The following WDCP variants were observed in gnomAD, a reference collection of about 807,000 sequenced individuals.
WDCP encodes WD repeat and coiled coil containing.
Under a neutral mutation model 41.6 loss-of-function variants are expected in WDCP, and 19 were observed. That is an observed-to-expected ratio of 0.46 (90% CI 0.32 to 0.67). The LOEUF (loss-of-function observed/expected upper bound fraction) is 0.67, where lower values mean the gene tolerates loss of function less well. Ranked by LOEUF, WDCP falls within the 30% of genes least tolerant of loss-of-function variation. The pLI is 0.04. For missense variants in WDCP, 802 were observed against 850.7 expected (o/e 0.94, Z 0.71); for synonymous variants, 302 against 320.8 (o/e 0.94, Z 0.63).
chr2:24,034,892 C>T (rs1283785029), intron 2 of WDCP, among the ~76,000 whole-genome samples: 1 of 151,660 alleles, frequency 6.6e-6, no homozygotes, highest in South Asian at 2.1e-4. Flanking sequence ...GTTGTTTTAA[C>T]CTTAGTTTTT....
intron 2 of WDCP, 58 bp downstream of exon 2, chr2:24,037,619 T>C: frequency 6.7e-7 from 1 of 1,492,394 alleles, no homozygotes; most frequent in South Asian, 1.3e-5. Flanking sequence ...TTTCTTGCAG[T>C]ACTCACCGGC....
At chr2:24,044,749 C>T (rs1573669821) in intron 1 of WDCP, among the ~76,000 whole-genome samples, 1 of 151,082 alleles carries the variant, frequency 6.6e-6, no homozygotes, top group East Asian at 1.9e-4. Flanking sequence ...AAGGAGAGGT[C>T]CCCTTGATAC....
At chr2:24,045,321 G>C (rs934724602) in intron 1 of WDCP, among the ~76,000 whole-genome samples, 1 of 152,188 alleles carries the variant, frequency 6.6e-6, no homozygotes. Context: ...GGCAGGGCAG[G>C]CTGGGTGTGG....
Position 24,039,062 on chromosome 2 carries a change from C to G in WDCP, c.433G>C (p.Asp145His), listed in dbSNP as rs1663344977. 1.2e-6 allele frequency: 2 copies of G among 1,614,172 alleles called. No homozygotes were observed. Among genetic ancestry groups the G allele is most frequent in the Non-Finnish European group, 1.7e-6 (2 of 1,180,050 alleles). The change falls in exon 2 of 4, where the codon GAT becomes CAT. Residue 145 changes from aspartate (D) to histidine (H), a missense_variant. By Grantham distance (81) the Asp-to-His change is moderately conservative. Coordinates refer to ENST00000295148, the MANE Select transcript of WDCP (RefSeq NM_025203.3). ...ATGTCTGCCTTTACCTGGGAATCAT[C>G]AGAGTGAACATTAGGGAAAATGGAG... is the stretch of plus-strand genomic sequence containing the variant. Reference protein sequence around the residue: ...DVSIFPNVHSDDSQVKADINT... With the variant: ...DVSIFPNVHSHDSQVKADINT...
At chr2:24,041,572 CTTACACCCA>C (rs1558336431) in intron 1 of WDCP, among the ~76,000 whole-genome samples, 1 of 151,942 alleles carries the variant, frequency 6.6e-6, no homozygotes, top group Non-Finnish European at 1.5e-5. Flanking sequence ...CCACCCAGCA[CTTACACCCA>C]TTACACCCAA....
At chr2:24,043,413 A>G (rs750469851) in intron 1 of WDCP, among the ~76,000 whole-genome samples, 6 of 152,284 alleles carry the variant, frequency 3.9e-5, no homozygotes, top group South Asian at 4.1e-4. Flanking sequence ...TAGGAGGCCA[A>G]GGCAGAAGGA....
chr2:24,041,033 C>T (rs1168517561), intron 1 of WDCP, among the ~76,000 whole-genome samples: 1 of 151,366 alleles, frequency 6.6e-6, no homozygotes, highest in Non-Finnish European at 1.5e-5. Flanking sequence ...GAAACAACAA[C>T]AACAAAAAAC....
At chr2:24,035,765 T>A (rs1020166250) in intron 2 of WDCP, among the ~76,000 whole-genome samples, 35 of 150,580 alleles carry the variant, frequency 2.3e-4, no homozygotes, top group East Asian at 9.7e-4. Flanking sequence ...TAAAAAAAAA[T>A]TTTTTTTAAT....
chr2:24,038,492 T>A lies in WDCP; in HGVS notation c.1003A>T (p.Thr335Ser), dbSNP rs1663324717. ...KKAVTMTRKV[T>S]IPGILVPDLI... ...TCAGGAACCAGAATGCCTGGAATAG[T>A]GACTTTTCTCGTCATGGTAACTGCC... The change falls in exon 2 of 4, where the codon ACT becomes TCT. Residue 335 changes from threonine (T) to serine (S), a missense_variant. By Grantham distance (58) the Thr-to-Ser change is moderately conservative. This residue lies in a region of WDCP where 247 missense variants were observed against 240.5 expected (regional missense o/e 1.03). Transcript: ENST00000295148. 1 of 1,614,244 alleles carries A rather than the reference T, an allele frequency of 6.2e-7. No homozygotes were observed. The highest frequency in any genetic ancestry group is 8.5e-7 in the Non-Finnish European group (1 of 1,180,038).
chr2:24,034,826 C>T (rs113937626), intron 2 of WDCP, among the ~76,000 whole-genome samples: 1,708 of 152,168 alleles, frequency 0.011, 34 homozygotes, highest in African/African-American at 0.037. Flanking sequence ...CTACCCATCT[C>T]GGCCTCCCAA....
chr2:24,034,976 C>G (rs896723700), intron 2 of WDCP, among the ~76,000 whole-genome samples: 2 of 150,964 alleles, frequency 1.3e-5, no homozygotes, highest in Non-Finnish European at 3.0e-5. Context: ...GTAAAATAGC[C>G]TATTTAAAGA....
rs756663157 is a variant in WDCP, at chr2:24,039,437, C to T, written c.58G>A (p.Val20Met). 6.2e-7 allele frequency: 1 copy of T among 1,614,258 alleles called. No individual in the cohort carries two copies. Among genetic ancestry groups the T allele is most frequent in the Non-Finnish European group, 8.5e-7 (1 of 1,180,038 alleles). The change falls in exon 2 of 4, where the codon GTG becomes ATG. Residue 20 changes from valine to methionine, a missense_variant. Physicochemically the swap from Val to Met is conservative, Grantham distance 21. Transcript: ENST00000295148. Reference protein sequence around the residue: ...RTGLNALHQAVHPIHGLAWTD... With the variant: ...RTGLNALHQAMHPIHGLAWTD... The stretch of plus-strand genomic sequence containing the variant: ...CAGGCAAGGCCATGGATCGGATGCA[C>T]TGCTTGATGCAACGCATTCAGTCCA...
chr2:24,041,709 T>C (rs1168092633), intron 1 of WDCP, among the ~76,000 whole-genome samples: 5 of 150,674 alleles, frequency 3.3e-5, no homozygotes, highest in African/African-American at 4.9e-5. Flanking sequence ...AAAAATTAGC[T>C]GGGCTCGGTG....
At chr2:24,035,977 G>A (rs554274918) in intron 2 of WDCP, among the ~76,000 whole-genome samples, 10 of 151,726 alleles carry the variant, frequency 6.6e-5, no homozygotes, top group African/African-American at 1.9e-4. Context: ...GCTGAGGCAG[G>A]AGAATTGCTA....
intron 1 of WDCP, among the ~76,000 whole-genome samples, chr2:24,042,165 C>T (rs976522850): frequency 1.3e-5 from 2 of 150,628 alleles, no homozygotes; most frequent in Non-Finnish European, 3.0e-5. Flanking sequence ...ACTTTGGGAG[C>T]CCGAGAAGGG....
In WDCP at chr2:24,039,184, T is replaced by G; in HGVS notation, c.311A>C (p.Gln104Pro). The G allele has an allele frequency of 1.2e-6, 2 of 1,614,232 alleles. No homozygotes were observed. Among genetic ancestry groups the G allele is most frequent in the Non-Finnish European group, 1.7e-6 (2 of 1,180,038 alleles). The part of the protein sequence containing the change: ...PMESSKWLTS[Q>P]TCEIRGSLPI... ...TAGTGATCCTCTAATCTCACAAGTC[T>G]GAGACGTCAGCCATTTGCTTGACTC... The change falls in exon 2 of 4, where the codon CAG becomes CCG. Residue 104 changes from glutamine (Q) to proline (P), a missense_variant. By Grantham distance (76) the Gln-to-Pro change is moderately conservative. Around this residue, in one of 5 missense-constraint regions of WDCP, gnomAD observed 214 missense variants for 252.9 expected, o/e 0.85. Coordinates refer to ENST00000295148, the MANE Select transcript of WDCP (RefSeq NM_025203.3).
At chr2:24,042,698 A>G (rs1056908440) in intron 1 of WDCP, among the ~76,000 whole-genome samples, 7 of 149,170 alleles carry the variant, frequency 4.7e-5, no homozygotes, top group Non-Finnish European at 7.4e-5. Context: ...AACAAGAGTG[A>G]AACTCTGTCT....
At position 24,029,775 on chromosome 2, in the gene WDCP, G is replaced by A. The variant is rs1441702388; in HGVS notation, c.*1158C>T. ...ATGTGCTAATGGAGCTTCTATGGCT[G>A]AAACAATTTATCTGCAGATGCCTAG... On this transcript the variant is annotated 3_prime_UTR_variant, in exon 4 of 4. Coordinates refer to ENST00000295148, the MANE Select transcript of WDCP (RefSeq NM_025203.3). The A allele has an allele frequency of 6.6e-6, 1 of 152,224 alleles. No individual in the cohort carries two copies. The highest frequency in any genetic ancestry group is 1.5e-5 in the Non-Finnish European group (1 of 68,048). The allele number at this position is 152,224 out of a possible 1,614,324, so 9.4% of individuals were successfully genotyped here.
rs145192904 is a variant in WDCP at position 24,031,104 on chromosome 2, T to C, written c.1995A>G (p.Thr665=). 67 of 1,614,214 alleles carry C rather than the reference T, an allele frequency of 4.2e-5. No individual in the cohort carries two copies. In the Middle Eastern group the frequency reaches 6.6e-4, roughly 16 times the overall value. Reference sequence around the variant, plus strand: ...CTCTTATGATTATTTCCTGTGTGGCTGTGAAGGTTAACGGGATAAAGCCCT... The same window carrying C: ...CTCTTATGATTATTTCCTGTGTGGCCGTGAAGGTTAACGGGATAAAGCCCT... ...DSEGFIPLTF[T]ATQEIIIRDG... is the part of the protein sequence containing the mutation. The change falls in exon 4 of 4, where the codon ACA becomes ACG. Residue 665 remains threonine, a synonymous_variant. Coordinates refer to ENST00000295148, the MANE Select transcript of WDCP (RefSeq NM_025203.3).
Sources: allele counts gnomAD v4.1 joint callset (sites outside exome capture counted in the v4.1 genomes callset), GRCh38; gene constraint gnomAD v4.1.1; regional missense constraint gnomAD v4.1.1; transcripts MANE v1.5; gene names NCBI Gene and HGNC (gene_info 2026-07-23, HGNC 2026-07-21).